GALM: variants seen among roughly 807,000 people sequenced by gnomAD.
GALM encodes galactose mutarotase.
A neutral mutation model predicts 37.4 loss-of-function variants in GALM; 43 were observed. The observed-to-expected ratio is 1.15, with a 90% confidence interval of 0.90 to 1.48. The LOEUF (loss-of-function observed/expected upper bound fraction) is 1.48. GALM is among the 40% of genes most tolerant of loss of function. The pLI is 0.00. For missense variants in GALM, 456 were observed against 419.1 expected, an observed-to-expected ratio of 1.09 and a Z score of -0.77; for synonymous variants, 199 against 170.6, an observed-to-expected ratio of 1.17 and a Z score of -1.30.
Position 38,709,879 on chromosome 2 carries a change from T to C in GALM, c.635-19677T>C, listed in dbSNP as rs117696992. On this transcript the variant is annotated intron_variant, in intron 4 of 6. Transcript: ENST00000272252. ...GGTGTCAGATGAGTACCTGTGCCCA[T>C]GAGCCCCTTTACCGCAGGCCTCCTT... is the stretch of plus-strand genomic sequence containing the variant. Among the ~76,000 whole-genome samples, 717 of 152,320 alleles carry C rather than the reference T, an allele frequency of 4.7e-3. 23 individuals are homozygous for C. The East Asian group carries it at 0.065, about 14-fold the overall frequency.
chr2:38,693,485 A>G (rs76100743), intron 4 of GALM, among the ~76,000 whole-genome samples: 3 of 73,598 alleles, frequency 4.1e-5, no homozygotes, highest in Non-Finnish European at 7.6e-5. Context: ...TCTGCTTCCA[A>G]AAAAAAAAAA....
chr2:38,711,815 T>TCATACCACCACCATCATCAC (rs1666172842), intron 4 of GALM, among the ~76,000 whole-genome samples: 11 of 62,214 alleles, frequency 1.8e-4, no homozygotes, highest in South Asian at 5.6e-4. Context: ...ACCATCATCA[T>TCATACCACCACCATCATCAC]CATCACTATC....
intron 4 of GALM, among the ~76,000 whole-genome samples, chr2:38,699,807 C>A (rs1665880206): frequency 6.6e-6 from 1 of 152,134 alleles, no homozygotes; most frequent in South Asian, 2.1e-4. Context: ...GATATAATTT[C>A]AATTATTTTA....
intron 4 of GALM, among the ~76,000 whole-genome samples, chr2:38,714,313 C>T (rs1666226803): frequency 6.6e-6 from 1 of 151,990 alleles, no homozygotes; most frequent in African/African-American, 2.4e-5. Context: ...CTCCCAGGCT[C>T]AAGCAATTTT....
At chr2:38,687,798 G>A (rs1490226066) in intron 3 of GALM, among the ~76,000 whole-genome samples, 2 of 152,028 alleles carry the variant, frequency 1.3e-5, no homozygotes, top group Non-Finnish European at 2.9e-5. Context: ...GTTTAGACAT[G>A]CATTCTCATG....
In GALM at chr2:38,733,743, G is replaced by A. The variant is rs1195551030; in HGVS notation, c.*178G>A. ...TTCCTTTTCCAGTGACTGGCTCCAG[G>A]CCATGTCTAATGACCAGCTCGATTC... is the stretch of plus-strand genomic sequence containing the variant. On this transcript the variant is annotated 3_prime_UTR_variant, in exon 7 of 7. Coordinates refer to ENST00000272252, the MANE Select transcript of GALM (RefSeq NM_138801.3). 3.3e-6 allele frequency: 2 copies of A among 610,016 alleles called. No homozygotes were observed. Among genetic ancestry groups the A allele is most frequent in the South Asian group, 3.5e-5 (2 of 56,740 alleles). 37.8% of individuals were successfully genotyped at this position (610,016 alleles called of 1,614,324 possible).
At chr2:38,702,431 C>T (rs1309802686) in intron 4 of GALM, among the ~76,000 whole-genome samples, 4 of 151,984 alleles carry the variant, frequency 2.6e-5, no homozygotes. Context: ...CTCCCTCACA[C>T]CCCACCCTGC....
At chr2:38,703,662 T>C (rs1379378863) in intron 4 of GALM, among the ~76,000 whole-genome samples, 1 of 152,112 alleles carries the variant, frequency 6.6e-6, no homozygotes, top group Admixed American at 6.6e-5. Flanking sequence ...AGGGTTCTTG[T>C]ATGTCTGGGA....
At chr2:38,666,977 C>A (rs144276660) in intron 1 of GALM, among the ~76,000 whole-genome samples, 25 of 152,290 alleles carry the variant, frequency 1.6e-4, no homozygotes, top group African/African-American at 5.8e-4. Context: ...CAATTAGGAT[C>A]AGGCATTAAT....
intron 4 of GALM, among the ~76,000 whole-genome samples, chr2:38,700,398 G>A (rs990280766): frequency 5.9e-5 from 9 of 152,204 alleles, no homozygotes; most frequent in South Asian, 2.1e-4. Flanking sequence ...TTTATATTAT[G>A]TATCTGGGCG....
At chr2:38,689,215 C>T (rs969543610) in intron 3 of GALM, among the ~76,000 whole-genome samples, 12 of 152,206 alleles carry the variant, frequency 7.9e-5, no homozygotes, top group African/African-American at 2.9e-4. Flanking sequence ...ACACCCCAGG[C>T]CTTCTGACAC....
chr2:38,693,308 C>T (rs138709121), intron 4 of GALM, among the ~76,000 whole-genome samples: 3,350 of 152,082 alleles, frequency 0.022, 133 homozygotes, highest in African/African-American at 0.077. Context: ...CATGGTGAAA[C>T]CCTGTCTCTA....
At chr2:38,674,586 C>G (rs1322192859) in intron 1 of GALM, among the ~76,000 whole-genome samples, 2 of 152,054 alleles carry the variant, frequency 1.3e-5, no homozygotes, top group African/African-American at 4.8e-5. Flanking sequence ...CACATTTAAC[C>G]AAGCATTCTA....
At chr2:38,669,746 G>A (rs553554960) in intron 1 of GALM, among the ~76,000 whole-genome samples, 32 of 152,156 alleles carry the variant, frequency 2.1e-4, no homozygotes, top group African/African-American at 7.7e-4. Context: ...GGTGGCGCAT[G>A]CCTGTAATCC....
intron 4 of GALM, among the ~76,000 whole-genome samples, chr2:38,705,325 T>G (rs1666014674): frequency 6.6e-6 from 1 of 152,158 alleles, no homozygotes; most frequent in Non-Finnish European, 1.5e-5. Flanking sequence ...CCAGAGCAGA[T>G]TTGTATTCAG....
intron 4 of GALM, among the ~76,000 whole-genome samples, chr2:38,719,411 G>C (rs552821010): frequency 6.7e-6 from 1 of 149,788 alleles, no homozygotes; most frequent in African/African-American, 2.5e-5. Flanking sequence ...GGAGGTTGCA[G>C]TGGGCCGAGA....
At chr2:38,692,769 G>T (rs527831167) in intron 4 of GALM, among the ~76,000 whole-genome samples, 1 of 152,306 alleles carries the variant, frequency 6.6e-6, no homozygotes, top group East Asian at 1.9e-4. Context: ...TGCTGAGGGG[G>T]CTTCCAGATA....
Position 38,677,401 on chromosome 2 carries a change from C to T in GALM, c.345+1335C>T, listed in dbSNP as rs78286699. Among the ~76,000 whole-genome samples, 656 of 152,298 alleles carry T rather than the reference C, an allele frequency of 4.3e-3. 8 individuals are homozygous for T. Among genetic ancestry groups the T allele is most frequent in the African/African-American group, 0.015 (632 of 41,560 alleles). On this transcript the variant is annotated intron_variant, in intron 2 of 6. Coordinates refer to ENST00000272252, the MANE Select transcript of GALM (RefSeq NM_138801.3). Reference sequence around the variant, plus strand: ...CCTCCATGAGCTTCCTGCTGGTGGCCTGGAACTAGACTGACTGCCCCATGG... The same window carrying T: ...CCTCCATGAGCTTCCTGCTGGTGGCTTGGAACTAGACTGACTGCCCCATGG...
rs1666284206 is a variant in GALM, at chr2:38,717,145, T to C, written c.635-12411T>C. Among the ~76,000 whole-genome samples, 3 of 151,494 alleles carry C rather than the reference T, an allele frequency of 2.0e-5. No homozygotes were observed. In the South Asian group the frequency reaches 6.3e-4, roughly 32 times the overall value. Reference sequence around the variant, plus strand: ...CATGCCTGTAGTCCCAGCTACTCGGTAGGCCGAGGCAGGAGAATCGTTTGA... The same window carrying C: ...CATGCCTGTAGTCCCAGCTACTCGGCAGGCCGAGGCAGGAGAATCGTTTGA... On this transcript the variant is annotated intron_variant, in intron 4 of 6. Transcript: ENST00000272252.
Sources: allele counts gnomAD v4.1 joint callset (sites outside exome capture counted in the v4.1 genomes callset), GRCh38; gene constraint gnomAD v4.1.1; transcripts MANE v1.5; gene names NCBI Gene and HGNC (gene_info 2026-07-23, HGNC 2026-07-21).